ERC2: variants seen among roughly 807,000 people sequenced by gnomAD.
The protein encoded by ERC2 is ERC protein 2.
Under a neutral mutation model 114.8 loss-of-function variants are expected in ERC2, and 42 were observed. That is an observed-to-expected ratio of 0.37 (90% CI 0.29 to 0.47). The LOEUF is 0.47. ERC2 is among the 20% of genes least tolerant of loss of function. The pLI, the probability that ERC2 is intolerant of heterozygous loss-of-function variation, is 0.99. For missense variants in ERC2, 939 were observed against 1,150.7 expected, an observed-to-expected ratio of 0.82 and a Z score of 2.66; for synonymous variants, 454 against 425.5, an observed-to-expected ratio of 1.07 and a Z score of -0.82.
rs527598294 is a variant in ERC2 at position 55,554,153 on chromosome 3, C to T, written c.*40-42877G>A. ...ATATACTGAGGTAGAATGCGGTGTT[C>T]TAGGGTGTAGACGACCTGGACTATC... On this transcript the variant is annotated intron_variant, in intron 17 of 17. Coordinates refer to ENST00000288221, the MANE Select transcript of ERC2 (RefSeq NM_015576.3). 9.9e-5 allele frequency among the ~76,000 whole-genome samples: 15 copies of T among 152,242 alleles called. No individual in the cohort carries two copies. In the East Asian group the frequency reaches 2.7e-3, roughly 27 times the overall value.
At chr3:55,882,490 C>G (rs111254767) in intron 14 of ERC2, among the ~76,000 whole-genome samples, 1 of 152,274 alleles carries the variant, frequency 6.6e-6, no homozygotes, top group Non-Finnish European at 1.5e-5. Context: ...TACATAGGTT[C>G]CACATTTGTG....
At chr3:55,951,467 A>G (rs1323599722) in intron 12 of ERC2, among the ~76,000 whole-genome samples, 1 of 152,224 alleles carries the variant, frequency 6.6e-6, no homozygotes, top group Non-Finnish European at 1.5e-5. Flanking sequence ...TGAGTAAAAG[A>G]CTAAAGATAA....
chr3:56,134,856 C>G (rs2080402676), intron 6 of ERC2, among the ~76,000 whole-genome samples: 1 of 152,062 alleles, frequency 6.6e-6, no homozygotes, highest in South Asian at 2.1e-4. Context: ...AGTTTGCAAA[C>G]CATGCCGAGT....
chr3:55,552,639 GAA>G (rs35690246), intron 17 of ERC2, among the ~76,000 whole-genome samples: 1 of 140,916 alleles, frequency 7.1e-6, no homozygotes, highest in Admixed American at 7.1e-5. Context: ...TGGAAAAAAG[GAA>G]AAAAAAAAAA....
At chr3:56,438,031 A>G (rs745639744) in intron 1 of ERC2, among the ~76,000 whole-genome samples, 6 of 152,172 alleles carry the variant, frequency 3.9e-5, no homozygotes, top group Non-Finnish European at 7.3e-5. Flanking sequence ...TTATTTGCAT[A>G]CTCTAAATTT....
chr3:56,391,814 T>A (rs967040894), intron 2 of ERC2, among the ~76,000 whole-genome samples: 2 of 152,294 alleles, frequency 1.3e-5, no homozygotes, highest in African/African-American at 4.8e-5. Context: ...ATCAGATAAT[T>A]TTTATTTGCC....
intron 2 of ERC2, among the ~76,000 whole-genome samples, chr3:56,360,175 G>C (rs1196075832): frequency 7.3e-6 from 1 of 136,798 alleles, no homozygotes; most frequent in Non-Finnish European, 1.5e-5. Flanking sequence ...CGCCATTCTT[G>C]AGTAGCTGGG....
At chr3:56,127,537 G>T (rs2079945066) in intron 6 of ERC2, among the ~76,000 whole-genome samples, 1 of 152,102 alleles carries the variant, frequency 6.6e-6, no homozygotes, top group Admixed American at 6.5e-5. Flanking sequence ...AAACCAGCCT[G>T]CCCAATATGG....
At chr3:55,763,174 T>C (rs563497534) in intron 14 of ERC2, among the ~76,000 whole-genome samples, 4 of 152,356 alleles carry the variant, frequency 2.6e-5, no homozygotes, top group Admixed American at 1.3e-4. Flanking sequence ...GCTTGGCATG[T>C]GGCAGGAACA....
rs71099618 is a variant in ERC2, at chr3:56,170,763, A to ATTTTTTT, written c.1149+2676_1149+2682dup. ...AGCTGCCCGCCACCACACCTGGCTA[A>ATTTTTTT]TTTTTTTTTTTTTTTTTCTGAGACA... On this transcript the variant is annotated intron_variant, in intron 4 of 17. Transcript: ENST00000288221. Among the ~76,000 whole-genome samples, 7 of 118,586 alleles carry ATTTTTTT rather than the reference A, an allele frequency of 5.9e-5. 1 individual carries two copies. Among genetic ancestry groups the ATTTTTTT allele is most frequent in the Admixed American group, 1.9e-4 (2 of 10,666 alleles). The allele number at this position is 118,586 out of a possible 152,430, so 77.8% of individuals were successfully genotyped here.
At chr3:56,127,244 A>G (rs2079929246) in intron 6 of ERC2, among the ~76,000 whole-genome samples, 1 of 152,168 alleles carries the variant, frequency 6.6e-6, no homozygotes, top group Non-Finnish European at 1.5e-5. Flanking sequence ...TCTCCATACT[A>G]CCCAAAGCTA....
chr3:55,830,505 A>C (rs184449127), intron 14 of ERC2, among the ~76,000 whole-genome samples: 1 of 152,240 alleles, frequency 6.6e-6, no homozygotes, highest in Admixed American at 6.5e-5. Context: ...TTCAATGTAC[A>C]TATATAATAC....
chr3:55,548,210 G>A (rs1319789303), intron 17 of ERC2, among the ~76,000 whole-genome samples: 1 of 152,252 alleles, frequency 6.6e-6, no homozygotes, highest in African/African-American at 2.4e-5. Flanking sequence ...GCCTGTGGGT[G>A]AGATCTAGTC....
chr3:55,543,483 G>A (rs973064160), intron 17 of ERC2, among the ~76,000 whole-genome samples: 11 of 152,228 alleles, frequency 7.2e-5, no homozygotes, highest in African/African-American at 1.2e-4. Context: ...GCTCCAGTGC[G>A]GTCACAAACG....
At chr3:56,167,309 G>A (rs948177754) in intron 4 of ERC2, among the ~76,000 whole-genome samples, 1 of 152,100 alleles carries the variant, frequency 6.6e-6, no homozygotes, top group African/African-American at 2.4e-5. Flanking sequence ...ACACAAAATA[G>A]TTGCTCAGTA....
intron 17 of ERC2, chr3:55,657,092 C>T (rs2060903236): frequency 6.6e-6 from 1 of 152,218 alleles, no homozygotes; most frequent in East Asian, 1.9e-4. Context: ...GGCTATGACA[C>T]CCATCTCCTG....
chr3:55,696,536 T>C (rs2062939425), intron 16 of ERC2, among the ~76,000 whole-genome samples: 1 of 152,220 alleles, frequency 6.6e-6, no homozygotes, highest in African/African-American at 2.4e-5. Flanking sequence ...CTGTCATTTT[T>C]CTCCTAAGAA....
At chr3:56,356,356 T>C (rs1285324199) in intron 2 of ERC2, among the ~76,000 whole-genome samples, 1 of 152,226 alleles carries the variant, frequency 6.6e-6, no homozygotes, top group African/African-American at 2.4e-5. Flanking sequence ...TGGGGTAAAG[T>C]GGCCTGGGCT....
At chr3:55,635,443 T>TGCA (rs1402353930) in intron 17 of ERC2, among the ~76,000 whole-genome samples, 1 of 151,842 alleles carries the variant, frequency 6.6e-6, no homozygotes, top group African/African-American at 2.4e-5. Context: ...CAGGCTGGAG[T>TGCA]GCAGTGGCTC....
Sources: gnomAD v4.1 joint callset for allele counts (sites outside exome capture counted in the v4.1 genomes callset) on GRCh38, gnomAD v4.1.1 for gene constraint, MANE v1.5 for transcripts, NCBI Gene and HGNC (gene_info 2026-07-23, HGNC 2026-07-21) for gene names.